Variants in RPS6KC1 observed in about 807,000 individuals in gnomAD.
RPS6KC1 encodes ribosomal protein S6 kinase C1.
RPS6KC1 carries 54 observed loss-of-function variants against 103.8 expected under a neutral mutation model. The observed-to-expected ratio is 0.52, with a 90% CI of 0.42 to 0.65. The LOEUF is 0.65. Among genes scored for constraint, RPS6KC1 ranks in the 30% least tolerant of loss-of-function variants. The pLI is 0.00. For missense variants in RPS6KC1, 1,151 were observed against 1,253.8 expected (o/e 0.92, Z 1.24); for synonymous variants, 439 against 438.7 (o/e 1.00, Z -0.01).
the RPS6KC1 span, among the ~76,000 whole-genome samples, chr1:213,339,741 G>A: frequency 6.6e-6 from 1 of 152,202 alleles, no homozygotes; most frequent in African/African-American, 2.4e-5. Context: ...CTTAGATGTG[G>A]TATGTGGAAG....
the RPS6KC1 span, among the ~76,000 whole-genome samples, chr1:213,325,683 A>T: frequency 6.6e-6 from 1 of 152,204 alleles, no homozygotes; most frequent in Admixed American, 6.5e-5. Context: ...GGATCTAAGC[A>T]GAGTCCGCTG....
At chr1:213,428,485 C>CCTTCCTTCCTTCCTTCCTTA in the RPS6KC1 span, among the ~76,000 whole-genome samples, 2 of 53,224 alleles carry the variant, frequency 3.8e-5, no homozygotes, top group Non-Finnish European at 6.7e-5. Context: ...TCCCTCCCTT[C>CCTTCCTTCCTTCCTTCCTTA]CTTCCTTCCT....
chr1:213,172,837 AC>A (rs1220551459), intron 7 of RPS6KC1, among the ~76,000 whole-genome samples: 1 of 152,210 alleles, frequency 6.6e-6, no homozygotes, highest in Non-Finnish European at 1.5e-5. Context: ...GATGAATACA[AC>A]CATTCTTTGC....
the RPS6KC1 span, among the ~76,000 whole-genome samples, chr1:213,749,984 G>T: frequency 6.6e-6 from 1 of 152,212 alleles, no homozygotes; most frequent in Admixed American, 6.5e-5. Context: ...CTTAGACAAA[G>T]CCTGACTTAT....
At chr1:213,621,308 G>A in the RPS6KC1 span, among the ~76,000 whole-genome samples, 18 of 151,940 alleles carry the variant, frequency 1.2e-4, no homozygotes, top group South Asian at 4.2e-4. Context: ...CAATAGATAC[G>A]GCTGAGAAAC....
At chr1:213,103,454 G>C (rs1171088779) in intron 3 of RPS6KC1, among the ~76,000 whole-genome samples, 1 of 152,092 alleles carries the variant, frequency 6.6e-6, no homozygotes, top group Non-Finnish European at 1.5e-5. Context: ...GAAATAATCT[G>C]CCTAAGATTT....
the RPS6KC1 span, among the ~76,000 whole-genome samples, chr1:213,770,419 A>G: frequency 1.3e-5 from 2 of 152,216 alleles, no homozygotes; most frequent in Non-Finnish European, 2.9e-5. Flanking sequence ...AATGTATGTG[A>G]AAATAAGTAA....
At position 213,115,960 on chromosome 1, in the gene RPS6KC1, G is replaced by A. The variant is rs543336014; in HGVS notation, c.379-1357G>A. The stretch of plus-strand genomic sequence containing the variant: ...TGTTCTTTTACATTTGCTGAGGAGA[G>A]CTTTACTTCCAAGTATGTGGTCAAT... On this transcript the variant is annotated intron_variant, in intron 4 of 14. Transcript: ENST00000366960. Among the ~76,000 whole-genome samples, 474 of 152,216 alleles carry A rather than the reference G, an allele frequency of 3.1e-3. 4 individuals are homozygous for A. The highest frequency in any genetic ancestry group is 0.011 in the African/African-American group (439 of 41,526).
chr1:213,090,604 TTTCTA>T (rs946717442), intron 3 of RPS6KC1, among the ~76,000 whole-genome samples: 24 of 152,198 alleles, frequency 1.6e-4, no homozygotes, highest in African/African-American at 5.8e-4. Context: ...AAATAAACCT[TTTCTA>T]TTCTGTTTTT....
chr1:213,789,838 C>T, the RPS6KC1 span, among the ~76,000 whole-genome samples: 879 of 152,304 alleles, frequency 5.8e-3, 11 homozygotes, highest in African/African-American at 0.02. Context: ...TCATTCTGTA[C>T]TGGAGACTTT....
At chr1:213,562,158 TA>T in the RPS6KC1 span, among the ~76,000 whole-genome samples, 1 of 152,304 alleles carries the variant, frequency 6.6e-6, no homozygotes, top group Admixed American at 6.5e-5. Context: ...GCAGTTTACT[TA>T]GAAGTATGCT....
intron 8 of RPS6KC1, among the ~76,000 whole-genome samples, chr1:213,208,002 T>TA (rs1321072999): frequency 2.0e-5 from 3 of 152,110 alleles, no homozygotes; most frequent in Non-Finnish European, 4.4e-5. Flanking sequence ...CTAATCTGTC[T>TA]ATTGTCAGTT....
At chr1:213,347,753 T>G in the RPS6KC1 span, among the ~76,000 whole-genome samples, 27 of 152,216 alleles carry the variant, frequency 1.8e-4, 1 homozygote, top group East Asian at 5.2e-3. Context: ...ATAGTATAAG[T>G]CTAGCTTTCA....
the RPS6KC1 span, among the ~76,000 whole-genome samples, chr1:213,312,270 CA>C: frequency 6.6e-6 from 1 of 152,034 alleles, no homozygotes; most frequent in Non-Finnish European, 1.5e-5. Flanking sequence ...AACTGCACCC[CA>C]TGGCAGGCTG....
chr1:213,261,514 T>G (rs781053031), intron 12 of RPS6KC1, 44 bp from the exon 13 acceptor site: 2 of 1,556,410 alleles, frequency 1.3e-6, no homozygotes, highest in South Asian at 2.2e-5. Context: ...GAAAGTTTAA[T>G]TGACCTTTGG....
intron 1 of RPS6KC1, among the ~76,000 whole-genome samples, chr1:213,061,396 G>A (rs1262301000): frequency 2.0e-5 from 3 of 152,114 alleles, no homozygotes; most frequent in Non-Finnish European, 4.4e-5. Flanking sequence ...TGCCTCTTGG[G>A]TCCAGACTGC....
chr1:213,809,314 A>G, the RPS6KC1 span, among the ~76,000 whole-genome samples: 1 of 152,138 alleles, frequency 6.6e-6, no homozygotes, highest in Non-Finnish European at 1.5e-5. Context: ...ATGGGTGATG[A>G]TGCCCCCCTC....
chr1:213,803,481 A>G, the RPS6KC1 span, among the ~76,000 whole-genome samples: 1 of 152,096 alleles, frequency 6.6e-6, no homozygotes, highest in African/African-American at 2.4e-5. Context: ...TCCCGATCCC[A>G]GGTGATCCGC....
Position 213,176,416 on chromosome 1 carries a change from G to C in RPS6KC1, c.968G>C (p.Ser323Thr). 6.2e-7 allele frequency: 1 copy of C among 1,606,598 alleles called. No individual in the cohort carries two copies. Among genetic ancestry groups the C allele is most frequent in the Non-Finnish European group, 8.5e-7 (1 of 1,174,568 alleles). Residue 323 changes from serine (S) to threonine (T), a missense_variant, in exon 8 of 15, where the codon AGT (serine) becomes ACT (threonine). Physicochemically the swap from Ser to Thr is moderately conservative, Grantham distance 58 (BLOSUM62 1). This residue lies in a region of RPS6KC1 where 959 missense variants were observed against 1,006.3 expected (regional missense o/e 0.95). Coordinates refer to ENST00000366960, the MANE Select transcript of RPS6KC1 (RefSeq NM_012424.6). ...DDVSQPPGSL[S>T]SRPLWNLRSP... ...TTCCATTAGCCTCCAGGATCACTAA[G>C]TTCAAGGCCCCTTTGGAACCTAAGG...
Sources: allele counts gnomAD v4.1 joint callset (sites outside exome capture counted in the v4.1 genomes callset), GRCh38; gene constraint gnomAD v4.1.1; regional missense constraint gnomAD v4.1.1; transcripts MANE v1.5; gene names NCBI Gene and HGNC (gene_info 2026-07-23, HGNC 2026-07-21).